Variants in FANCI observed in about 807,000 individuals in gnomAD.
FANCI encodes the protein Fanconi anemia group I protein.
In FANCI, 156 loss-of-function variants were observed where a neutral mutation model predicts 176.1. That is an observed-to-expected ratio of 0.89 (90% CI 0.78 to 1.01). The LOEUF (loss-of-function observed/expected upper bound fraction) is 1.01. FANCI is among the 50% of genes least tolerant of loss of function. The probability of loss-of-function intolerance (pLI) is 0.00; values close to 1 mark genes in which losing one functional copy is unlikely to be tolerated. For missense variants in FANCI, 1,678 were observed against 1,534.1 expected (o/e 1.09, Z -1.57); for synonymous variants, 613 against 541.7 (o/e 1.13, Z -1.83).
Position 89,294,985 on chromosome 15 carries a change from GT to G in FANCI, c.2528del (p.Val843GlyfsTer3). The G allele has an allele frequency of 6.4e-7, 1 of 1,552,372 alleles. No homozygotes were observed. Among genetic ancestry groups the G allele is most frequent in the South Asian group, 1.2e-5 (1 of 84,060 alleles). ...RSSNEFMRYA[V>X]NVALQKVQQL... ...CAGCAATGAGTTTATGCGCTATGCA[GT>G]GAATGTAGCTCTGCAGAAAGTACAG... On this transcript the variant is annotated frameshift_variant, in exon 24 of 38. Coordinates refer to ENST00000310775, the MANE Select transcript of FANCI (RefSeq NM_001113378.2). LOFTEE classifies it high-confidence loss of function.
chr15:89,308,062 C>A (rs748710484), intron 34 of FANCI: 117 of 1,134,382 alleles, frequency 1.0e-4, no homozygotes, highest in Non-Finnish European at 1.2e-4. Flanking sequence ...GCAGTGAGGG[C>A]ACTTTCAGGG....
intron 34 of FANCI, among the ~76,000 whole-genome samples, chr15:89,309,926 G>T (rs1212088453): frequency 6.6e-6 from 1 of 152,190 alleles, no homozygotes; most frequent in Non-Finnish European, 1.5e-5. Context: ...AATTTTATTA[G>T]AACAGGTAAT....
intron 34 of FANCI, 181 bp downstream of exon 34, chr15:89,307,853 G>T: frequency 6.8e-7 from 1 of 1,471,936 alleles, no homozygotes; most frequent in Non-Finnish European, 8.9e-7. Context: ...ACATCTTTAT[G>T]TAAAGAAAAC....
intron 27 of FANCI, among the ~76,000 whole-genome samples, chr15:89,302,568 T>TA (rs895809373): frequency 8.6e-5 from 13 of 151,588 alleles, no homozygotes; most frequent in African/African-American, 2.4e-5. Flanking sequence ...GTAGTCTCTT[T>TA]AAAAAAAAAT....
intron 27 of FANCI, among the ~76,000 whole-genome samples, chr15:89,302,450 T>C (rs1270475689): frequency 1.3e-5 from 2 of 152,158 alleles, no homozygotes; most frequent in Admixed American, 1.3e-4. Context: ...TAAATGGATT[T>C]AGGAAGGCTA....
At chr15:89,290,793 C>G (rs1324873160) in intron 19 of FANCI, among the ~76,000 whole-genome samples, 1 of 152,088 alleles carries the variant, frequency 6.6e-6, no homozygotes, top group Non-Finnish European at 1.5e-5. Flanking sequence ...GACCCCTAGT[C>G]TATCATTTTG....
chr15:89,255,031 A>G (rs2052433854), intron 2 of FANCI, among the ~76,000 whole-genome samples: 1 of 152,176 alleles, frequency 6.6e-6, no homozygotes, highest in Non-Finnish European at 1.5e-5. Context: ...TAATTATTTC[A>G]CTAATGTTCT....
chr15:89,274,895 G>A (rs1211267054), intron 12 of FANCI, among the ~76,000 whole-genome samples: 1 of 151,470 alleles, frequency 6.6e-6, no homozygotes, highest in Non-Finnish European at 1.5e-5. Flanking sequence ...TTGAGCCACC[G>A]GTCCTGGCCG....
chr15:89,278,526 G>T (rs180963780), intron 13 of FANCI, among the ~76,000 whole-genome samples, 161 bp from the exon 14 acceptor site: 1 of 152,356 alleles, frequency 6.6e-6, no homozygotes, highest in Admixed American at 6.5e-5. Context: ...AGAACAAGGG[G>T]AAAGTTGAGT....
At chr15:89,279,876 A>C (rs913412896) in intron 14 of FANCI, among the ~76,000 whole-genome samples, 1 of 152,164 alleles carries the variant, frequency 6.6e-6, no homozygotes, top group Non-Finnish European at 1.5e-5. Flanking sequence ...AATTTAGACT[A>C]CTGCCACAGC....
chr15:89,284,214 A>G (rs2151597089), intron 17 of FANCI, among the ~76,000 whole-genome samples: 1 of 152,350 alleles, frequency 6.6e-6, no homozygotes, highest in East Asian at 1.9e-4. Context: ...GCACAGGAAC[A>G]TATATTACAC....
intron 6 of FANCI, 85 bp from the exon 7 acceptor site, chr15:89,263,334 C>A: frequency 1.9e-6 from 2 of 1,076,232 alleles, no homozygotes; most frequent in South Asian, 1.3e-5. Context: ...CTTGAATTGG[C>A]CCTGTTTTTT....
At position 89,285,150 on chromosome 15, in the gene FANCI, C is replaced by T. The variant is rs577385367; in HGVS notation, c.1753C>T (p.Leu585Phe). 1.2e-6 allele frequency: 2 copies of T among 1,614,110 alleles called. No homozygotes were observed. The highest frequency in any genetic ancestry group is 1.1e-5 in the South Asian group (1 of 91,082). ...YNSVANETFC[L>F]EIMDSLRRCL... Reference sequence around the variant, plus strand: ...TTCTGTCGCCAATGAAACTTTTTGCCTTGAGATCATGGATAGTTTGAGGAG... The same window carrying T: ...TTCTGTCGCCAATGAAACTTTTTGCTTTGAGATCATGGATAGTTTGAGGAG... The change falls in exon 18 of 38, where the codon CTT becomes TTT. Residue 585 changes from leucine (L) to phenylalanine (F), a missense_variant. By Grantham distance (22) the Leu-to-Phe change is conservative. Around this residue, in one of 3 missense-constraint regions of FANCI, gnomAD observed 1,204 missense variants for 1,077.4 expected, o/e 1.12. Transcript: ENST00000310775.
Position 89,307,523 on chromosome 15 carries a change from A to G in FANCI, c.3585A>G (p.Glu1195=), listed in dbSNP as rs1207040620. 1.2e-6 allele frequency: 2 copies of G among 1,614,180 alleles called. No homozygotes were observed. The highest frequency in any genetic ancestry group is 2.2e-5 in the East Asian group (1 of 44,882). The stretch of plus-strand genomic sequence containing the variant: ...CCGGAGGAATTCCAAAAAATATGGA[A>G]AAGCTGGTGAGTTGAGAATGCCTTT... ...QSSGGIPKNM[E]KLVKLSGSHL... The change falls in exon 33 of 38, where the codon GAA becomes GAG. Residue 1195 remains glutamate (E), a synonymous_variant. Transcript: ENST00000310775.
intron 34 of FANCI, 121 bp from the exon 35 acceptor site, chr15:89,312,783 C>A: frequency 2.6e-6 from 2 of 756,104 alleles, no homozygotes; most frequent in Non-Finnish European, 4.3e-6. Context: ...CACGCCACTG[C>A]ACACCAGCCT....
chr15:89,281,856 TCATA>T (rs1181387138), intron 16 of FANCI, 21 bp downstream of exon 16: 1 of 1,609,234 alleles, frequency 6.2e-7, no homozygotes, highest in African/African-American at 1.3e-5. Context: ...TCTTTTTCTA[TCATA>T]GGAAGACGTT....
intron 2 of FANCI, among the ~76,000 whole-genome samples, chr15:89,252,662 C>G (rs2052310632): frequency 1.3e-5 from 2 of 152,188 alleles, no homozygotes; most frequent in African/African-American, 4.8e-5. Flanking sequence ...ATTGCTTGAA[C>G]CCGGGAGGTG....
At chr15:89,269,696 A>G (rs1159947482) in intron 10 of FANCI, among the ~76,000 whole-genome samples, 3 of 152,236 alleles carry the variant, frequency 2.0e-5, no homozygotes, top group Non-Finnish European at 4.4e-5. Flanking sequence ...TTACGGTTCC[A>G]GCAAGAAGGC....
chr15:89,268,773 A>T (rs2053081109), intron 10 of FANCI: 1 of 466,394 alleles, frequency 2.1e-6, no homozygotes, highest in Non-Finnish European at 3.9e-6. Flanking sequence ...TATTTAAAAA[A>T]ACCCTCAAAA....
Sources: allele counts gnomAD v4.1 joint callset (sites outside exome capture counted in the v4.1 genomes callset), GRCh38; gene constraint gnomAD v4.1.1; regional missense constraint gnomAD v4.1.1; transcripts MANE v1.5; gene names NCBI Gene and HGNC (gene_info 2026-07-23, HGNC 2026-07-21).